The following MAGI2 variants were observed in gnomAD, a reference collection of about 807,000 sequenced individuals.
MAGI2 encodes the protein membrane associated guanylate kinase, WW and PDZ domain containing 2.
In MAGI2, 35 loss-of-function variants were observed where a neutral mutation model predicts 133.3. That is an observed-to-expected ratio of 0.26 (90% confidence interval 0.20 to 0.35). MAGI2 has a LOEUF of 0.35. Ranked by LOEUF, MAGI2 falls within the 10% of genes least tolerant of loss-of-function variation. The pLI, the probability that MAGI2 is intolerant of heterozygous loss-of-function variation, is 1.00. For synonymous variants in MAGI2, 729 were observed against 710.6 expected (o/e 1.03, Z -0.41); for missense variants, 1,636 against 1,863.4 (o/e 0.88, Z 2.25).
intron 1 of MAGI2, among the ~76,000 whole-genome samples, chr7:79,010,293 A>G (rs1584665321): frequency 6.6e-6 from 1 of 152,086 alleles, no homozygotes; most frequent in South Asian, 2.1e-4. Flanking sequence ...TATAATGTAT[A>G]CACATACACA....
chr7:78,623,547 T>C (rs960325579), intron 3 of MAGI2, among the ~76,000 whole-genome samples: 3 of 152,088 alleles, frequency 2.0e-5, no homozygotes, highest in African/African-American at 7.2e-5. Flanking sequence ...TTTTTGACAA[T>C]ATGAAGAAGG....
chr7:78,219,850 C>T (rs1788634930), intron 10 of MAGI2, among the ~76,000 whole-genome samples: 1 of 152,212 alleles, frequency 6.6e-6, no homozygotes, highest in East Asian at 1.9e-4. Flanking sequence ...GCCCCAGTAC[C>T]TCAGAACTTC....
chr7:78,358,196 AATATATATATATATATATAT>A (rs59745283), intron 7 of MAGI2: 3 of 38,078 alleles, frequency 7.9e-5, no homozygotes, highest in East Asian at 8.0e-4. Flanking sequence ...AAAAAAAAAA[AATATATATATATATATATAT>A]ATATATATAT....
chr7:78,321,309 C>G (rs1363354101), intron 9 of MAGI2, among the ~76,000 whole-genome samples: 1 of 152,108 alleles, frequency 6.6e-6, no homozygotes, highest in Non-Finnish European at 1.5e-5. Flanking sequence ...CCCTCACAGC[C>G]AAGACAATCC....
chr7:79,395,258 CAG>C (rs1844962246), intron 1 of MAGI2, among the ~76,000 whole-genome samples: 1 of 152,064 alleles, frequency 6.6e-6, no homozygotes, highest in South Asian at 2.1e-4. Context: ...TGCTGTTAAA[CAG>C]AAACCATGTA....
chr7:78,724,904 T>C (rs576448712), intron 2 of MAGI2, among the ~76,000 whole-genome samples: 14 of 152,288 alleles, frequency 9.2e-5, no homozygotes, highest in Admixed American at 8.5e-4. Flanking sequence ...TTGAGCCAAT[T>C]GGAGAGAAGC....
chr7:78,943,270 TA>T (rs553851794), intron 2 of MAGI2, among the ~76,000 whole-genome samples: 2 of 152,088 alleles, frequency 1.3e-5, no homozygotes, highest in Non-Finnish European at 2.9e-5. Context: ...CCCGATTTTT[TA>T]AAAAAATTGG....
chr7:79,026,935 A>G (rs969780360), intron 1 of MAGI2, among the ~76,000 whole-genome samples: 1 of 150,884 alleles, frequency 6.6e-6, no homozygotes, highest in Non-Finnish European at 1.5e-5. Context: ...GAAGACATAC[A>G]AATGACCAAA....
intron 1 of MAGI2, among the ~76,000 whole-genome samples, chr7:79,149,106 A>G (rs1822944870): frequency 6.9e-6 from 1 of 144,270 alleles, no homozygotes; most frequent in Non-Finnish European, 1.5e-5. Flanking sequence ...GTAATATAAT[A>G]TATTATATTA....
At chr7:78,737,231 G>A (rs1033869502) in intron 2 of MAGI2, among the ~76,000 whole-genome samples, 7 of 152,160 alleles carry the variant, frequency 4.6e-5, no homozygotes, top group African/African-American at 1.4e-4. Context: ...GAGGAAAAGA[G>A]TGGCAAAATT....
intron 1 of MAGI2, among the ~76,000 whole-genome samples, chr7:79,223,482 T>G (rs1830614665): frequency 6.6e-6 from 1 of 151,954 alleles, no homozygotes; most frequent in South Asian, 2.1e-4. Context: ...TTGTTGCATT[T>G]AATCTTCCTA....
At chr7:78,453,075 TTC>T (rs1196713374) in intron 6 of MAGI2, among the ~76,000 whole-genome samples, 1 of 152,182 alleles carries the variant, frequency 6.6e-6, no homozygotes, top group Non-Finnish European at 1.5e-5. Flanking sequence ...GTTCTTTGTA[TTC>T]TCTGAGGTTT....
At chr7:79,119,157 T>C (rs1329661857) in intron 1 of MAGI2, among the ~76,000 whole-genome samples, 4 of 152,176 alleles carry the variant, frequency 2.6e-5, no homozygotes, top group Admixed American at 2.0e-4. Flanking sequence ...GCGAAGTAAT[T>C]TCTCTGTCTG....
chr7:78,087,447 T>C (rs1024523679), intron 20 of MAGI2, among the ~76,000 whole-genome samples: 1 of 152,146 alleles, frequency 6.6e-6, no homozygotes, highest in Non-Finnish European at 1.5e-5. Flanking sequence ...TTATTAATCA[T>C]AGTAGTTACA....
intron 1 of MAGI2, among the ~76,000 whole-genome samples, chr7:79,094,475 G>A (rs1327749276): frequency 6.6e-6 from 1 of 152,138 alleles, no homozygotes; most frequent in African/African-American, 2.4e-5. Context: ...GTCAATATTT[G>A]GAGCTCCTCC....
At chr7:78,854,296 T>A (rs1028193652) in intron 2 of MAGI2, among the ~76,000 whole-genome samples, 1 of 152,128 alleles carries the variant, frequency 6.6e-6, no homozygotes, top group Non-Finnish European at 1.5e-5. Context: ...ATAAAGTCTG[T>A]ATGTAAATAT....
chr7:78,542,003 G>T (rs896542009), intron 3 of MAGI2, among the ~76,000 whole-genome samples: 1 of 152,186 alleles, frequency 6.6e-6, no homozygotes, highest in African/African-American at 2.4e-5. Flanking sequence ...CATACAGTCT[G>T]GGTCATTGCT....
chr7:79,330,257 G>C (rs1257850868), intron 1 of MAGI2, among the ~76,000 whole-genome samples: 2 of 132,016 alleles, frequency 1.5e-5, no homozygotes, highest in Admixed American at 1.8e-4. Flanking sequence ...GCAGTGGTGC[G>C]ATCTCGGCTC....
At chr7:79,208,052 A>T (rs755815748) in intron 1 of MAGI2, among the ~76,000 whole-genome samples, 5 of 152,024 alleles carry the variant, frequency 3.3e-5, no homozygotes, top group Non-Finnish European at 5.9e-5. Flanking sequence ...TGGATTAAAG[A>T]TTTACATGTA....
Sources: gnomAD v4.1 joint callset for allele counts (sites outside exome capture counted in the v4.1 genomes callset) on GRCh38, gnomAD v4.1.1 for gene constraint, MANE v1.5 for transcripts, NCBI Gene and HGNC (gene_info 2026-07-23, HGNC 2026-07-21) for gene names.